The following PTPRN2 variants were observed in gnomAD, a reference collection of about 807,000 sequenced individuals.
PTPRN2 encodes receptor-type tyrosine-protein phosphatase N2.
Under a neutral mutation model 118.8 loss-of-function variants are expected in PTPRN2, and 74 were observed. The observed-to-expected ratio is 0.62, with a 90% CI of 0.52 to 0.76. The LOEUF is 0.76. Among genes scored for constraint, PTPRN2 ranks in the 30% least tolerant of loss-of-function variants. The pLI is 0.00. For synonymous variants in PTPRN2, 641 were observed against 608.0 expected, an observed-to-expected ratio of 1.05 and a Z score of -0.80; for missense variants, 1,481 against 1,394.4, an observed-to-expected ratio of 1.06 and a Z score of -0.99.
At chr7:157,653,790 C>A (rs1313699596) in intron 14 of PTPRN2, among the ~76,000 whole-genome samples, 2 of 151,148 alleles carry the variant, frequency 1.3e-5, no homozygotes, top group Non-Finnish European at 3.0e-5. Flanking sequence ...GGACTCCACA[C>A]GATGCCCGCT....
chr7:157,844,223 G>A (rs1263715805), intron 12 of PTPRN2, among the ~76,000 whole-genome samples: 2 of 152,356 alleles, frequency 1.3e-5, no homozygotes, highest in East Asian at 3.9e-4. Context: ...TGTCTCTGCA[G>A]GAAAGGGAAC....
In PTPRN2 at chr7:158,525,847, GC is replaced by G. The variant is rs959825454; in HGVS notation, c.113-36063del. Among the ~76,000 whole-genome samples the G allele has an allele frequency of 7.2e-5, 11 of 152,150 alleles. No individual in the cohort carries two copies. The highest frequency in any genetic ancestry group is 1.3e-4 in the Non-Finnish European group (9 of 68,026). ...AAGCTCCCGCTTCAGCAAGAGGAAA[GC>G]CCCGATGATACAGGGTGAAGACGCC... On this transcript the variant is annotated intron_variant, in intron 1 of 22. Coordinates refer to ENST00000389418, the MANE Select transcript of PTPRN2 (RefSeq NM_002847.5). The surrounding 1 kb of genome is among the most constrained non-coding windows in gnomAD (Gnocchi z 4.1).
intron 12 of PTPRN2, among the ~76,000 whole-genome samples, chr7:157,797,123 G>A (rs1474644290): frequency 6.6e-6 from 1 of 152,300 alleles, no homozygotes; most frequent in Non-Finnish European, 1.5e-5. Flanking sequence ...CACGGCCCAC[G>A]GCTGTGTCAT....
At position 157,663,665 on chromosome 7, in the gene PTPRN2, C is replaced by T. The variant is rs749423830; in HGVS notation, c.2002-7114G>A. On this transcript the variant is annotated intron_variant, in intron 13 of 22. Coordinates refer to ENST00000389418, the MANE Select transcript of PTPRN2 (RefSeq NM_002847.5). ...CCCTCCCTCTCCACCCTTCCCTGGA[C>T]ACTCTTGGGAATCTCCAGACGTGGG... Among the ~76,000 whole-genome samples, 126 of 152,308 alleles carry T rather than the reference C, an allele frequency of 8.3e-4. 2 individuals carry two copies. The highest frequency in any genetic ancestry group is 3.3e-3 in the South Asian group (16 of 4,826).
chr7:158,567,781 G>A lies in PTPRN2; in HGVS notation c.112+19777C>T, dbSNP rs535232734. Among the ~76,000 whole-genome samples the A allele has an allele frequency of 7.2e-5, 11 of 152,262 alleles. No homozygotes were observed. The South Asian group carries it at 2.3e-3, about 32-fold the overall frequency. ...GGGGCTGCACCCCCCCACACCTGAT[G>A]AGGGGCAGAGAAAACCAAATGGTGA... On this transcript the variant is annotated intron_variant, in intron 1 of 22. Coordinates refer to ENST00000389418, the MANE Select transcript of PTPRN2 (RefSeq NM_002847.5).
chr7:158,527,157 C>T (rs1032997896), intron 1 of PTPRN2, among the ~76,000 whole-genome samples: 11 of 152,196 alleles, frequency 7.2e-5, no homozygotes, highest in Non-Finnish European at 2.9e-5. Context: ...ACAGCCTTCC[C>T]GTCCTCGGAG....
chr7:158,124,031 C>A (rs1817408916), intron 9 of PTPRN2, among the ~76,000 whole-genome samples: 1 of 152,006 alleles, frequency 6.6e-6, no homozygotes, highest in South Asian at 2.1e-4. Context: ...TCTGATTCGA[C>A]CTCAGATCCC....
intron 16 of PTPRN2, among the ~76,000 whole-genome samples, chr7:157,602,004 C>T (rs1306525305): frequency 2.0e-5 from 3 of 152,164 alleles, no homozygotes; most frequent in African/African-American, 7.2e-5. Context: ...GGCACATCAG[C>T]GAGGCTTTGG....
intron 12 of PTPRN2, among the ~76,000 whole-genome samples, chr7:157,795,018 C>T (rs1309351810): frequency 2.0e-5 from 3 of 152,192 alleles, no homozygotes; most frequent in African/African-American, 7.2e-5. Context: ...GCGTCGCAGC[C>T]CCTCACCTGT....
intron 12 of PTPRN2, among the ~76,000 whole-genome samples, chr7:157,810,647 C>T (rs1172517238): frequency 6.1e-5 from 6 of 98,296 alleles, no homozygotes; most frequent in Non-Finnish European, 9.7e-5. Context: ...GGGACGGGAA[C>T]GGCGGGACTG....
intron 10 of PTPRN2, among the ~76,000 whole-genome samples, chr7:158,103,869 T>A (rs1563439040): frequency 7.1e-6 from 1 of 141,798 alleles, no homozygotes; most frequent in African/African-American, 2.6e-5. Flanking sequence ...ATTATTATTA[T>A]TTTTTTTTTT....
intron 15 of PTPRN2, among the ~76,000 whole-genome samples, chr7:157,607,347 C>T (rs920941638): frequency 4.6e-5 from 7 of 152,314 alleles, no homozygotes; most frequent in Non-Finnish European, 7.3e-5. Flanking sequence ...CCACACAGAG[C>T]GTGGGAATAA....
intron 1 of PTPRN2, among the ~76,000 whole-genome samples, chr7:158,492,314 G>A (rs1821519366): frequency 6.6e-6 from 1 of 152,222 alleles, no homozygotes; most frequent in East Asian, 1.9e-4. Context: ...GCAGATGCAG[G>A]GATGCTGCAG....
chr7:158,243,569 A>C (rs1347961294), intron 3 of PTPRN2, among the ~76,000 whole-genome samples: 1 of 152,208 alleles, frequency 6.6e-6, no homozygotes, highest in African/African-American at 2.4e-5. Flanking sequence ...CACAGATACC[A>C]CCTTCAGAGT....
At chr7:157,730,810 C>T (rs554361520) in intron 12 of PTPRN2, among the ~76,000 whole-genome samples, 5 of 152,280 alleles carry the variant, frequency 3.3e-5, no homozygotes, top group Admixed American at 2.0e-4. Context: ...GGGCACATGG[C>T]GGAGACATGC....
chr7:158,266,701 T>G (rs978443329), intron 3 of PTPRN2, among the ~76,000 whole-genome samples: 4 of 152,180 alleles, frequency 2.6e-5, no homozygotes, highest in Non-Finnish European at 5.9e-5. Context: ...GAGAGCCACT[T>G]CCCGGCTTTA....
intron 3 of PTPRN2, among the ~76,000 whole-genome samples, chr7:158,264,070 C>T (rs947586145): frequency 2.0e-5 from 3 of 152,170 alleles, no homozygotes; most frequent in Non-Finnish European, 4.4e-5. Flanking sequence ...GAGCGGCAAA[C>T]GGTTATTATT....
chr7:157,908,410 T>C (rs1797900312), intron 11 of PTPRN2, among the ~76,000 whole-genome samples: 2 of 152,230 alleles, frequency 1.3e-5, no homozygotes, highest in Admixed American at 1.3e-4. Flanking sequence ...AAAGACAAAT[T>C]AATGAACGTG....
At chr7:157,645,818 G>A (rs554692334) in intron 14 of PTPRN2, among the ~76,000 whole-genome samples, 1 of 152,292 alleles carries the variant, frequency 6.6e-6, no homozygotes, top group African/African-American at 2.4e-5. Flanking sequence ...CAATGATGCC[G>A]AGTGGCTGTA....
Sources: gnomAD v4.1 joint callset for allele counts (sites outside exome capture counted in the v4.1 genomes callset) on GRCh38, gnomAD v4.1.1 for gene constraint, Gnocchi (gnomAD v3.1) non-coding constraint, MANE v1.5 for transcripts, NCBI Gene and HGNC (gene_info 2026-07-23, HGNC 2026-07-21) for gene names.